XRCC5: variants seen among roughly 807,000 people sequenced by gnomAD.
The protein encoded by XRCC5 is X-ray repair cross complementing 5.
XRCC5 carries 12 observed loss-of-function variants against 95.7 expected under a neutral mutation model. That is an observed-to-expected ratio of 0.13 (90% confidence interval 0.08 to 0.20). The LOEUF is 0.20. Among genes scored for constraint, XRCC5 ranks in the 10% least tolerant of loss-of-function variants. The probability of loss-of-function intolerance (pLI) is 1.00; values close to 1 mark genes in which losing one functional copy is unlikely to be tolerated. For missense variants in XRCC5, 595 were observed against 873.9 expected (o/e 0.68, Z 4.02); for synonymous variants, 281 against 290.3 (o/e 0.97, Z 0.33).
At chr2:216,187,379 CCTT>C (rs1689513606) in intron 16 of XRCC5, among the ~76,000 whole-genome samples, 1 of 151,018 alleles carries the variant, frequency 6.6e-6, no homozygotes, top group Non-Finnish European at 1.5e-5. Flanking sequence ...GACTGGACTG[CCTT>C]CTTTCCTGTA....
At chr2:216,117,612 G>T (rs563083306) in intron 3 of XRCC5, 134 bp from the exon 4 acceptor site, 12 of 737,824 alleles carry the variant, frequency 1.6e-5, no homozygotes, top group Non-Finnish European at 2.8e-5. Flanking sequence ...TGGAAGAAGG[G>T]CACTCAGGCA....
chr2:216,142,784 C>A (rs1381394406), intron 13 of XRCC5, among the ~76,000 whole-genome samples: 1 of 152,084 alleles, frequency 6.6e-6, no homozygotes, highest in African/African-American at 2.4e-5. Flanking sequence ...TTGAGGGATC[C>A]TCTACTTGAA....
intron 14 of XRCC5, among the ~76,000 whole-genome samples, chr2:216,149,603 TTC>T (rs1553573039): frequency 1.2e-4 from 15 of 124,678 alleles, no homozygotes; most frequent in Admixed American, 1.0e-3. Flanking sequence ...CACAGGGCTA[TTC>T]TCTCTCTGTG....
intron 6 of XRCC5, among the ~76,000 whole-genome samples, chr2:216,123,587 C>T (rs1281375980): frequency 6.6e-6 from 1 of 152,196 alleles, no homozygotes; most frequent in Admixed American, 6.5e-5. Context: ...GGGCAGATCA[C>T]TTGAGGTCAG....
intron 14 of XRCC5, among the ~76,000 whole-genome samples, chr2:216,159,613 G>C (rs1688911780): frequency 6.6e-6 from 1 of 152,202 alleles, no homozygotes; most frequent in African/African-American, 2.4e-5. Context: ...TAACATACAT[G>C]ATAGAGAAAA....
chr2:216,175,955 TTCC>T (rs1241120513), intron 16 of XRCC5: 1 of 331,298 alleles, frequency 3.0e-6, no homozygotes, highest in Non-Finnish European at 5.8e-6. Flanking sequence ...GATCATGGCC[TTCC>T]TCCTCTTGGC....
At chr2:216,114,136 G>A (rs140738944) in intron 2 of XRCC5, among the ~76,000 whole-genome samples, 41 of 152,274 alleles carry the variant, frequency 2.7e-4, no homozygotes, top group Middle Eastern at 3.4e-3. Context: ...AATTAATGTA[G>A]ATAAAGTGCT....
At chr2:216,180,393 A>G (rs1689363216) in intron 16 of XRCC5, among the ~76,000 whole-genome samples, 1 of 152,252 alleles carries the variant, frequency 6.6e-6, no homozygotes, top group African/African-American at 2.4e-5. Flanking sequence ...TGGGAGGCCA[A>G]GGCGGGTGGA....
In XRCC5 at chr2:216,119,576, G is replaced by T. The variant is rs1391890140; in HGVS notation, c.491+411G>T. Among the ~76,000 whole-genome samples, 4 of 151,996 alleles carry T rather than the reference G, an allele frequency of 2.6e-5. No homozygotes were observed. In the East Asian group the frequency reaches 7.7e-4, roughly 29 times the overall value. ...TAGAGAACTGTGTCCTATACAGAGTGCATGTTTTAGGGTAGACAGGAATGC... is the reference window on the plus strand; with the variant it reads ...TAGAGAACTGTGTCCTATACAGAGTTCATGTTTTAGGGTAGACAGGAATGC... On this transcript the variant is annotated intron_variant, in intron 5 of 20. Coordinates refer to ENST00000392132, the MANE Select transcript of XRCC5 (RefSeq NM_021141.4).
chr2:216,148,680 A>G (rs912860582), intron 14 of XRCC5, among the ~76,000 whole-genome samples: 5 of 152,196 alleles, frequency 3.3e-5, no homozygotes, highest in African/African-American at 1.2e-4. Context: ...GGGGATGTCA[A>G]TGAGATTTTT....
chr2:216,196,401 C>T (rs543258982), intron 19 of XRCC5, among the ~76,000 whole-genome samples: 53 of 152,112 alleles, frequency 3.5e-4, no homozygotes, highest in Non-Finnish European at 5.0e-4. Context: ...GGTTTTGTTT[C>T]TGTTTGTCAC....
chr2:216,162,992 A>C (rs914600960), intron 16 of XRCC5, among the ~76,000 whole-genome samples: 1 of 152,204 alleles, frequency 6.6e-6, no homozygotes, highest in Non-Finnish European at 1.5e-5. Flanking sequence ...TTAATCCTGC[A>C]GGTTTATATA....
intron 16 of XRCC5, among the ~76,000 whole-genome samples, chr2:216,169,909 C>T (rs549089316): frequency 4.7e-5 from 7 of 150,250 alleles, no homozygotes; most frequent in Middle Eastern, 3.4e-3. Flanking sequence ...CATGGTGGTG[C>T]GCACCTGTAG....
chr2:216,157,426 G>A (rs2106025092), intron 14 of XRCC5, among the ~76,000 whole-genome samples: 1 of 152,010 alleles, frequency 6.6e-6, no homozygotes, highest in African/African-American at 2.4e-5. Flanking sequence ...ATAGAGGTGG[G>A]GTTTCACCGT....
At chr2:216,117,858 A>C in intron 4 of XRCC5, 64 bp downstream of exon 4, 1 of 1,478,600 alleles carries the variant, frequency 6.8e-7, no homozygotes, top group South Asian at 1.1e-5. Context: ...GGGTTAATGT[A>C]TTGAATGTAT....
At chr2:216,122,289 G>T (rs201801585) in intron 6 of XRCC5, 36 bp downstream of exon 6, 3 of 1,559,840 alleles carry the variant, frequency 1.9e-6, no homozygotes, top group Non-Finnish European at 2.6e-6. Flanking sequence ...ATTTTTAATT[G>T]TACCCACGTA....
chr2:216,202,598 C>G (rs1331225646), intron 19 of XRCC5, among the ~76,000 whole-genome samples: 1 of 152,174 alleles, frequency 6.6e-6, no homozygotes, highest in Non-Finnish European at 1.5e-5. Context: ...GCTGGGATTT[C>G]CTCTCTCTTA....
chr2:216,178,070 GT>G (rs1413728588), intron 16 of XRCC5, among the ~76,000 whole-genome samples: 1 of 152,084 alleles, frequency 6.6e-6, no homozygotes, highest in Non-Finnish European at 1.5e-5. Flanking sequence ...AAAGTATGTG[GT>G]TCAGAAGGAA....
intron 16 of XRCC5, among the ~76,000 whole-genome samples, chr2:216,186,960 A>G (rs1013514837): frequency 7.2e-5 from 11 of 152,238 alleles, no homozygotes; most frequent in African/African-American, 2.4e-4. Flanking sequence ...AACTTTGGAA[A>G]GGAAGTCTCT....
Sources: gnomAD v4.1 joint callset for allele counts (sites outside exome capture counted in the v4.1 genomes callset) on GRCh38, gnomAD v4.1.1 for gene constraint, MANE v1.5 for transcripts, NCBI Gene and HGNC (gene_info 2026-07-23, HGNC 2026-07-21) for gene names.